Variants in KANK1 observed in about 807,000 individuals in gnomAD.
The protein encoded by KANK1 is KN motif and ankyrin repeat domain-containing protein 1.
A neutral mutation model predicts 106.2 loss-of-function variants in KANK1; 109 were observed. The ratio of observed to expected loss-of-function variants is 1.03; its 90% confidence interval spans 0.88 to 1.20. KANK1 has a LOEUF of 1.20. Ranked by LOEUF, KANK1 falls within the 50% of genes most tolerant of loss-of-function variation. The probability of loss-of-function intolerance (pLI) is 0.00; values close to 1 mark genes in which losing one functional copy is unlikely to be tolerated. For synonymous variants in KANK1, 873 were observed against 652.2 expected, an observed-to-expected ratio of 1.34 and a Z score of -5.16; for missense variants, 2,399 against 1,710.7, an observed-to-expected ratio of 1.40 and a Z score of -7.10.
rs527582016 is a variant in KANK1 at position 504,742 on chromosome 9, G to A, written c.-96G>A. ...CGAGCGAGCGGCCGGCAGGTTGGGA[G>A]GAGCGGCCGAAGGTGAGTGACGCGG... is the stretch of plus-strand genomic sequence containing the variant. On this transcript the variant is annotated 5_prime_UTR_variant, in exon 1 of 12. Coordinates refer to ENST00000382297, the MANE Select transcript of KANK1 (RefSeq NM_015158.5). 7.6e-6 allele frequency: 1 copy of A among 132,252 alleles called. No individual in the cohort carries two copies. The highest frequency in any genetic ancestry group is 2.6e-4 in the South Asian group (1 of 3,896). The allele number at this position is 132,252 out of a possible 1,614,324, so 8.2% of individuals were successfully genotyped here.
chr9:707,293 T>C, intron 2 of KANK1: 1 of 941,508 alleles, frequency 1.1e-6, no homozygotes, highest in Non-Finnish European at 1.3e-6. Context: ...CTGGCCGAAT[T>C]CCGGGGGGCC....
chr9:676,711 G>A (rs917926737), intron 1 of KANK1, among the ~76,000 whole-genome samples, 179 bp from the exon 2 acceptor site: 4 of 152,136 alleles, frequency 2.6e-5, no homozygotes, highest in East Asian at 1.9e-4. Context: ...TGGTACATCC[G>A]TGGGTGTTAT....
chr9:734,954 T>A (rs144709034), intron 7 of KANK1, 119 bp downstream of exon 7: 2 of 720,880 alleles, frequency 2.8e-6, no homozygotes, highest in Non-Finnish European at 4.9e-6. Context: ...CTGAACTGTT[T>A]CCAGCATGAG....
At chr9:548,818 C>G (rs991252400) in intron 1 of KANK1, among the ~76,000 whole-genome samples, 5 of 152,076 alleles carry the variant, frequency 3.3e-5, no homozygotes, top group Non-Finnish European at 7.4e-5. Flanking sequence ...GTGGCTCACA[C>G]CTGTAATCCC....
chr9:558,216 A>G (rs1815378328), intron 1 of KANK1, among the ~76,000 whole-genome samples: 1 of 152,214 alleles, frequency 6.6e-6, no homozygotes, highest in Admixed American at 6.5e-5. Context: ...CTGTTCTGTT[A>G]TATAAATAGG....
intron 1 of KANK1, among the ~76,000 whole-genome samples, chr9:654,462 G>C (rs1841632493): frequency 1.3e-5 from 2 of 152,148 alleles, no homozygotes; most frequent in Admixed American, 1.3e-4. Flanking sequence ...CTATTCTCTT[G>C]CTATCAGGTA....
At chr9:489,701 CA>C (rs551244014) in intron 3 of KANK1, among the ~76,000 whole-genome samples, 123 of 152,310 alleles carry the variant, frequency 8.1e-4, no homozygotes, top group African/African-American at 2.9e-3. Flanking sequence ...AGATGCCCAG[CA>C]CTTAGCAGGC....
At chr9:601,691 A>G (rs1197818223) in intron 1 of KANK1, among the ~76,000 whole-genome samples, 1 of 151,802 alleles carries the variant, frequency 6.6e-6, no homozygotes, top group East Asian at 1.9e-4. Context: ...TCTTCTTCAA[A>G]TTATTCTAGC....
chr9:588,094 A>C (rs1254530984), intron 1 of KANK1, among the ~76,000 whole-genome samples: 1 of 151,906 alleles, frequency 6.6e-6, no homozygotes, highest in African/African-American at 2.4e-5. Context: ...GAAAGAAAGA[A>C]ATGACTTGCC....
chr9:519,201 T>C (rs559187721), intron 1 of KANK1, among the ~76,000 whole-genome samples: 3 of 151,798 alleles, frequency 2.0e-5, no homozygotes, highest in South Asian at 2.1e-4. Flanking sequence ...CTTTCAACTT[T>C]TACTAGGCAC....
intron 1 of KANK1, among the ~76,000 whole-genome samples, chr9:577,176 G>A (rs1820788974): frequency 6.6e-6 from 1 of 152,222 alleles, no homozygotes; most frequent in East Asian, 1.9e-4. Context: ...GGGAACCCAA[G>A]CGGGTTGCCT....
intron 2 of KANK1, among the ~76,000 whole-genome samples, chr9:680,338 T>G (rs1033130754): frequency 2.6e-5 from 4 of 152,116 alleles, no homozygotes; most frequent in African/African-American, 9.7e-5. Context: ...AACATTTAAA[T>G]GGGATAAGGG....
rs114364905 is a variant in KANK1, at chr9:658,024, C to T, written c.-83-18866C>T. On this transcript the variant is annotated intron_variant, in intron 1 of 11. Transcript: ENST00000382297. Reference sequence around the variant, plus strand: ...CAAGTACTGGGACTACAGGCATGAACCACCATACCCAGTTCCATTCTGCTT... The same window carrying T: ...CAAGTACTGGGACTACAGGCATGAATCACCATACCCAGTTCCATTCTGCTT... Among the ~76,000 whole-genome samples the T allele has an allele frequency of 5.6e-3, 849 of 151,860 alleles. 14 individuals are homozygous for T. Among genetic ancestry groups the T allele is most frequent in the African/African-American group, 0.019 (777 of 41,366 alleles).
intron 3 of KANK1, among the ~76,000 whole-genome samples, chr9:488,453 ATCC>A (rs553781873): frequency 1.7e-3 from 256 of 152,358 alleles, no homozygotes; most frequent in Middle Eastern, 3.4e-3. Flanking sequence ...ATTTTCATTC[ATCC>A]TCAGATTGTC....
intron 7 of KANK1, among the ~76,000 whole-genome samples, chr9:737,381 G>A (rs546840612): frequency 6.6e-6 from 1 of 152,150 alleles, no homozygotes; most frequent in African/African-American, 2.4e-5. Flanking sequence ...TTCTGACATA[G>A]GCTGTCTTTC....
upstream of KANK1, among the ~76,000 whole-genome samples, chr9:503,902 T>C (rs2058616589): frequency 6.6e-6 from 1 of 152,204 alleles, no homozygotes; most frequent in Admixed American, 6.5e-5. Flanking sequence ...TTGGGTCTTC[T>C]GTGGAGTCCC....
intron 1 of KANK1, among the ~76,000 whole-genome samples, chr9:564,952 C>G (rs1156498336): frequency 6.6e-6 from 1 of 152,154 alleles, no homozygotes; most frequent in African/African-American, 2.4e-5. Context: ...CATGGCTGTT[C>G]AGGTAACAAA....
At chr9:657,036 C>G (rs1842297612) in intron 1 of KANK1, among the ~76,000 whole-genome samples, 1 of 151,334 alleles carries the variant, frequency 6.6e-6, no homozygotes, top group Non-Finnish European at 1.5e-5. Context: ...TCAAACAACT[C>G]TGTTTCCCCC....
chr9:639,607 G>A (rs1260509420), intron 1 of KANK1, among the ~76,000 whole-genome samples: 1 of 152,116 alleles, frequency 6.6e-6, no homozygotes, highest in Non-Finnish European at 1.5e-5. Flanking sequence ...ACGAGCCACT[G>A]CGCCTGGCCT....
Sources: gnomAD v4.1 joint callset for allele counts (sites outside exome capture counted in the v4.1 genomes callset) on GRCh38, gnomAD v4.1.1 for gene constraint, MANE v1.5 for transcripts, NCBI Gene and HGNC (gene_info 2026-07-23, HGNC 2026-07-21) for gene names.